The following DMC1 variants were observed in gnomAD, a reference collection of about 807,000 sequenced individuals.
DMC1 encodes meiotic recombination protein DMC1 homolog.
DMC1 carries 27 observed loss-of-function variants against 50.1 expected under a neutral mutation model. That is an observed-to-expected ratio of 0.54 (90% CI 0.40 to 0.74). The LOEUF is 0.74. Ranked by LOEUF, DMC1 falls within the 30% of genes least tolerant of loss-of-function variation. The pLI is 0.00. For missense variants in DMC1, 295 were observed against 420.2 expected (o/e 0.70, Z 2.60); for synonymous variants, 148 against 136.1 (o/e 1.09, Z -0.61).
intron 12 of DMC1, among the ~76,000 whole-genome samples, chr22:38,526,369 C>T (rs1409486881): frequency 6.6e-6 from 1 of 151,952 alleles, no homozygotes; most frequent in Non-Finnish European, 1.5e-5. Flanking sequence ...GCCACCACGC[C>T]CGGCTAATTT....
At chr22:38,568,033 G>T (rs535191990) in intron 2 of DMC1, among the ~76,000 whole-genome samples, 173 bp downstream of exon 2, 2 of 152,110 alleles carry the variant, frequency 1.3e-5, no homozygotes, top group Non-Finnish European at 2.9e-5. Flanking sequence ...TTTCATACCA[G>T]TTGCTAAGTA....
intron 5 of DMC1, among the ~76,000 whole-genome samples, chr22:38,560,446 G>T (rs969962641): frequency 9.2e-5 from 14 of 151,828 alleles, no homozygotes; most frequent in Non-Finnish European, 8.8e-5. Context: ...AGGGTGTTAT[G>T]AGCCACTGCA....
chr22:38,554,123 C>T (rs1340823924), intron 6 of DMC1, among the ~76,000 whole-genome samples: 1 of 151,788 alleles, frequency 6.6e-6, no homozygotes, highest in Non-Finnish European at 1.5e-5. Flanking sequence ...AGCAAGACTC[C>T]ATCTCTAAAT....
intron 12 of DMC1, among the ~76,000 whole-genome samples, chr22:38,533,993 T>A (rs1318798672): frequency 6.6e-6 from 1 of 152,210 alleles, no homozygotes; most frequent in Non-Finnish European, 1.5e-5. Flanking sequence ...AAAATTCAAC[T>A]TCAAATTGAG....
chr22:38,557,956 C>CTTTTTTTTTTTTTTTT (rs753724944), intron 5 of DMC1, among the ~76,000 whole-genome samples: 25 of 62,696 alleles, frequency 4.0e-4, no homozygotes, highest in African/African-American at 5.0e-4. Context: ...AGACAAAGTT[C>CTTTTTTTTTTTTTTTT]TTTTTTTTTT....
intron 12 of DMC1, among the ~76,000 whole-genome samples, chr22:38,527,290 C>T (rs1040696713): frequency 1.3e-5 from 2 of 151,966 alleles, no homozygotes; most frequent in African/African-American, 2.4e-5. Flanking sequence ...CTACAGCCTC[C>T]GCCTCCCCAG....
downstream of DMC1, among the ~76,000 whole-genome samples, chr22:38,516,691 C>T (rs1374579715): frequency 6.6e-6 from 1 of 152,104 alleles, no homozygotes; most frequent in Non-Finnish European, 1.5e-5. Flanking sequence ...ATGCAGAGAT[C>T]ACTGGGGAAT....
In DMC1 at chr22:38,548,354, G is replaced by A. The variant is rs571148822; in HGVS notation, c.494+1571C>T. Among the ~76,000 whole-genome samples, 7 of 152,228 alleles carry A rather than the reference G, an allele frequency of 4.6e-5. No individual in the cohort carries two copies. The East Asian group carries it at 7.7e-4, about 17-fold the overall frequency. On this transcript the variant is annotated intron_variant, in intron 8 of 13. Coordinates refer to ENST00000216024, the MANE Select transcript of DMC1 (RefSeq NM_007068.4). ...TTTGGGAGGCCAAGGCAGGCAGATC[G>A]CTTGAGCCCAGGAGTTGGAGATCAG...
At chr22:38,558,237 C>T (rs925552369) in intron 5 of DMC1, among the ~76,000 whole-genome samples, 1 of 151,144 alleles carries the variant, frequency 6.6e-6, no homozygotes, top group Non-Finnish European at 1.5e-5. Context: ...AGCCAGTGCA[C>T]CTGGCCAACA....
rs71197118 is a variant in DMC1 at position 38,544,792 on chromosome 22, ATT to A, written c.494+5131_494+5132del. Among the ~76,000 whole-genome samples the A allele has an allele frequency of 2.6e-3, 377 of 143,180 alleles. 1 individual carries two copies. Among genetic ancestry groups the A allele is most frequent in the East Asian group, 3.5e-3 (17 of 4,830 alleles). 93.9% of individuals were successfully genotyped at this position (143,180 alleles called of 152,430 possible). A position where few individuals can be genotyped will look rare whatever the true frequency, so the allele number is the denominator to read the frequency against. On this transcript the variant is annotated intron_variant, in intron 8 of 13. Coordinates refer to ENST00000216024, the MANE Select transcript of DMC1 (RefSeq NM_007068.4). ...AGGCACGTGCCACCATGCCCGGCTA[ATT>A]TTTTTTTTTTTTGTATTTTAGTAGA...
chr22:38,532,281 A>G (rs899673732), intron 12 of DMC1, among the ~76,000 whole-genome samples: 2 of 152,158 alleles, frequency 1.3e-5, no homozygotes, highest in Middle Eastern at 3.4e-3. Flanking sequence ...TACCAAGACT[A>G]AAATTTTGAG....
the DMC1 span, among the ~76,000 whole-genome samples, chr22:38,509,662 C>A: frequency 6.6e-6 from 1 of 151,620 alleles, no homozygotes; most frequent in African/African-American, 2.4e-5. Context: ...GCCTATGTAG[C>A]TTTTTTTGTT....
rs2090622872 is a variant in DMC1 at position 38,570,037 on chromosome 22, A to G, written c.-34+6T>C. ...TCTTCGCACGCTGTTCGTTTTTGCC[A>G]CTTACCCCCCTCGTACCCACAGTCT... On this transcript the variant is annotated splice_donor_region_variant and intron_variant, in intron 1 of 13. Coordinates refer to ENST00000216024, the MANE Select transcript of DMC1 (RefSeq NM_007068.4). The G allele has an allele frequency of 6.6e-6, 1 of 152,080 alleles. No homozygotes were observed. Among genetic ancestry groups the G allele is most frequent in the African/African-American group, 2.4e-5 (1 of 41,396 alleles). 9.4% of individuals were successfully genotyped at this position (152,080 alleles called of 1,614,324 possible). A position where few individuals can be genotyped will look rare whatever the true frequency, so the allele number is the denominator to read the frequency against.
In DMC1 at chr22:38,520,030, G is replaced by T. The variant is rs1333169541; in HGVS notation, c.1013C>A (p.Ala338Asp). The T allele has an allele frequency of 1.2e-6, 2 of 1,613,286 alleles. No individual in the cohort carries two copies. Among genetic ancestry groups the T allele is most frequent in the African/African-American group, 1.3e-5 (1 of 74,880 alleles). ...FAITAGGIGD[A>D]KE ...GCATCAATTCACCACCTACTCCTTGGCATCCCCAATTCCTCCAGCAGTTAT... is the reference window on the plus strand; with the variant it reads ...GCATCAATTCACCACCTACTCCTTGTCATCCCCAATTCCTCCAGCAGTTAT... Residue 338 changes from alanine to aspartate, a missense_variant, in exon 14 of 14, where the codon GCC becomes GAC. Physicochemically the swap from Ala to Asp is moderately radical, Grantham distance 126. Coordinates refer to ENST00000216024, the MANE Select transcript of DMC1 (RefSeq NM_007068.4).
At chr22:38,516,158 T>G (rs1307588056), downstream of DMC1, among the ~76,000 whole-genome samples, 1 of 152,208 alleles carries the variant, frequency 6.6e-6, no homozygotes, top group Non-Finnish European at 1.5e-5. Flanking sequence ...CTGCATAATC[T>G]GCAGTTCTGT....
intron 1 of DMC1, among the ~76,000 whole-genome samples, chr22:38,568,651 C>A (rs2090606377): frequency 6.6e-6 from 1 of 152,096 alleles, no homozygotes; most frequent in South Asian, 2.1e-4. Flanking sequence ...TGCTTTTAAC[C>A]TTTCTTGTTT....
chr22:38,554,443 G>GAAAAAAAA (rs540883900), intron 6 of DMC1, among the ~76,000 whole-genome samples: 1 of 52,002 alleles, frequency 1.9e-5, no homozygotes. Flanking sequence ...CAAGTCAACA[G>GAAAAAAAA]AAAAAAAAAA....
chr22:38,518,705 G>C (rs890538888), downstream of DMC1, among the ~76,000 whole-genome samples: 3 of 151,794 alleles, frequency 2.0e-5, no homozygotes, highest in Non-Finnish European at 4.4e-5. Context: ...TAATTTTTTT[G>C]TATTTTTGTA....
At chr22:38,533,320 T>C (rs573000722) in intron 12 of DMC1, among the ~76,000 whole-genome samples, 1 of 136,504 alleles carries the variant, frequency 7.3e-6, no homozygotes, top group African/African-American at 2.8e-5. Flanking sequence ...GGCATCAACC[T>C]GGGAGGCGGA....
Sources: gnomAD v4.1 joint callset for allele counts (sites outside exome capture counted in the v4.1 genomes callset) on GRCh38, gnomAD v4.1.1 for gene constraint, MANE v1.5 for transcripts, NCBI Gene and HGNC (gene_info 2026-07-23, HGNC 2026-07-21) for gene names.